Variants in AARS1 observed in about 807,000 individuals in gnomAD.
AARS1 encodes the protein alanine--tRNA ligase, cytoplasmic.
In AARS1, 72 loss-of-function variants were observed where a neutral mutation model predicts 108.9. The ratio of observed to expected loss-of-function variants is 0.66; its 90% CI spans 0.55 to 0.80. The LOEUF is 0.80. Among genes scored for constraint, AARS1 ranks in the 30% least tolerant of loss-of-function variants. The pLI is 0.00. For missense variants in AARS1, 1,193 were observed against 1,233.2 expected (o/e 0.97, Z 0.49); for synonymous variants, 489 against 465.7 (o/e 1.05, Z -0.64).
In AARS1 at chr16:70,276,587, A is replaced by C. The variant is rs1484875542; in HGVS notation, c.378T>G (p.Phe126Leu). The change falls in exon 4 of 21, where the codon TTT becomes TTG. Residue 126 changes from phenylalanine to leucine, a missense_variant. Phe to Leu is a conservative substitution (Grantham distance 22). Transcript: ENST00000261772. ...CATAAAGTCTTTCAATGGGAATGCC[A>C]AACTCTTGGGTGAGGAGTTCCAGAG... Reference protein sequence around the residue: ...KMALELLTQEFGIPIERLYVT... With the variant: ...KMALELLTQELGIPIERLYVT... 1.9e-6 allele frequency: 3 copies of C among 1,614,006 alleles called. No individual in the cohort carries two copies. Among genetic ancestry groups the C allele is most frequent in the Non-Finnish European group, 2.5e-6 (3 of 1,180,002 alleles).
chr16:70,265,398 C>T (rs140502042), intron 10 of AARS1, 140 bp downstream of exon 10: 107 of 1,330,572 alleles, frequency 8.0e-5, no homozygotes, highest in Non-Finnish European at 1.1e-4. Flanking sequence ...AAGGCAGACT[C>T]GCCCCCACTT....
intron 20 of AARS1, 101 bp downstream of exon 20, chr16:70,253,167 G>T: frequency 9.4e-7 from 1 of 1,061,988 alleles, no homozygotes; most frequent in South Asian, 1.3e-5. Context: ...GTAACCAACC[G>T]GTGGGCAGAA....
intron 2 of AARS1, among the ~76,000 whole-genome samples, chr16:70,281,659 G>C (rs1015727864): frequency 6.6e-6 from 1 of 151,932 alleles, no homozygotes; most frequent in Admixed American, 6.6e-5. Flanking sequence ...GCGAGACTCT[G>C]TCTCAAAACA....
rs761208550 is a variant in AARS1 at position 70,265,089 on chromosome 16, C to T, written c.1361G>A (p.Gly454Asp). The T allele has an allele frequency of 6.2e-7, 1 of 1,614,094 alleles. No homozygotes were observed. The highest frequency in any genetic ancestry group is 8.5e-7 in the Non-Finnish European group (1 of 1,180,026). ...ERKLAQLKSQ[G>D]KGAGGEDLIM... ...GAGGTCTTCCCCACCAGCTCCCTTG[C>T]CCTGTGATTTCAGCTGTCAGCAAGA... Residue 454 changes from glycine (G) to aspartate (D), a missense_variant, in exon 11 of 21, where the codon GGC (glycine) becomes GAC (aspartate). Gly to Asp is a moderately conservative substitution (Grantham distance 94). Transcript: ENST00000261772.
At position 70,253,416 on chromosome 16, in the gene AARS1, G is replaced by C. The variant is rs763612004; in HGVS notation, c.2608-35C>G. 3 of 1,529,202 alleles carry C rather than the reference G, an allele frequency of 2.0e-6. No individual in the cohort carries two copies. In the South Asian group the frequency reaches 3.4e-5, roughly 17 times the overall value. The allele number at this position is 1,529,202 out of a possible 1,614,324, so 94.7% of individuals were successfully genotyped here. A position where few individuals can be genotyped will look rare whatever the true frequency, so the allele number is the denominator to read the frequency against. On this transcript the variant is annotated intron_variant, in intron 19 of 20. Transcript: ENST00000261772. Reference sequence around the variant, plus strand: ...GGACCTGGCTCAGGCCACGGTGCTGGAGCAGGGACCCTCACTAGTGTGAGC... The same window carrying C: ...GGACCTGGCTCAGGCCACGGTGCTGCAGCAGGGACCCTCACTAGTGTGAGC...
At chr16:70,257,243 CAAA>C (rs56734965) in intron 15 of AARS1, among the ~76,000 whole-genome samples, 21 of 133,912 alleles carry the variant, frequency 1.6e-4, no homozygotes, top group African/African-American at 5.2e-4. Flanking sequence ...AACTCCGTCT[CAAA>C]AAAAAAAAAA....
Position 70,282,786 on chromosome 16 carries a change from T to C in AARS1, c.-21-2A>G. On this transcript the variant is annotated splice_acceptor_variant, in intron 1 of 20. Transcript: ENST00000261772. LOFTEE classifies it low-confidence loss of function (5UTR_SPLICE). ...CATCTTGAAAGTCACCCCAAAGAAC[T>C]AATCAAAGAAAAAAAAATGAAGGAA... 6.2e-7 allele frequency: 1 copy of C among 1,612,176 alleles called. No homozygotes were observed. Among genetic ancestry groups the C allele is most frequent in the Non-Finnish European group, 8.5e-7 (1 of 1,179,142 alleles).
Position 70,269,604 on chromosome 16 carries a change from T to C in AARS1, c.962+14A>G. 6.2e-7 allele frequency: 1 copy of C among 1,613,612 alleles called. No homozygotes were observed. Among genetic ancestry groups the C allele is most frequent in the Non-Finnish European group, 8.5e-7 (1 of 1,180,012 alleles). On this transcript the variant is annotated intron_variant, in intron 7 of 20. Coordinates refer to ENST00000261772, the MANE Select transcript of AARS1 (RefSeq NM_001605.3). ...GTGCCGCTCCAAACACCACCCAGTG[T>C]GCAGCATACTTACCCACGCCCTGTG...
At chr16:70,267,228 G>C (rs1464147362) in intron 9 of AARS1, among the ~76,000 whole-genome samples, 1 of 152,106 alleles carries the variant, frequency 6.6e-6, no homozygotes, top group Non-Finnish European at 1.5e-5. Flanking sequence ...AAGAATCTTT[G>C]GAAACTGGGG....
chr16:70,254,096 C>A, intron 17 of AARS1, 58 bp from the exon 18 acceptor site: 1 of 1,607,844 alleles, frequency 6.2e-7, no homozygotes, highest in Non-Finnish European at 8.5e-7. Flanking sequence ...ATGTCAGGGT[C>A]CAGCCCACCC....
chr16:70,257,954 A>G, intron 15 of AARS1, 79 bp downstream of exon 15: 1 of 1,510,292 alleles, frequency 6.6e-7, no homozygotes, highest in Non-Finnish European at 9.2e-7. Flanking sequence ...GACAGACAAG[A>G]GTTGGTCCAG....
At chr16:70,275,542 C>G (rs1282772132) in intron 4 of AARS1, among the ~76,000 whole-genome samples, 1 of 151,772 alleles carries the variant, frequency 6.6e-6, no homozygotes, top group Non-Finnish European at 1.5e-5. Context: ...GCAGGCGGAT[C>G]ACGAGGTCAG....
rs34369477 is a variant in AARS1, at chr16:70,288,098, C to CTTTTTTTT, written c.-22+1315_-22+1322dup. Among the ~76,000 whole-genome samples the CTTTTTTTT allele has an allele frequency of 2.4e-4, 20 of 83,908 alleles. 1 individual carries two copies. Among genetic ancestry groups the CTTTTTTTT allele is most frequent in the South Asian group, 4.5e-4 (1 of 2,210 alleles). 55.0% of individuals were successfully genotyped at this position (83,908 alleles called of 152,430 possible). On this transcript the variant is annotated intron_variant, in intron 1 of 20. Coordinates refer to ENST00000261772, the MANE Select transcript of AARS1 (RefSeq NM_001605.3). ...TATTTAAGACAGCCTTCCCCTTCTT[C>CTTTTTTTT]TTTTTTTTTTTTTTTTTTTTTTGAG...
chr16:70,286,701 G>A (rs1325082378), intron 1 of AARS1, among the ~76,000 whole-genome samples: 3 of 151,272 alleles, frequency 2.0e-5, no homozygotes, highest in East Asian at 2.0e-4. Context: ...AAAAATTAGC[G>A]GGGTGTGGTG....
chr16:70,280,958 G>A (rs1429569453), intron 2 of AARS1, among the ~76,000 whole-genome samples: 1 of 152,124 alleles, frequency 6.6e-6, no homozygotes, highest in East Asian at 1.9e-4. Flanking sequence ...CTCCCCAGAA[G>A]CTGGGACTAC....
chr16:70,254,797 C>A, intron 16 of AARS1, 63 bp from the exon 17 acceptor site: 1 of 1,156,616 alleles, frequency 8.6e-7, no homozygotes, highest in South Asian at 1.2e-5. Flanking sequence ...TATCCTGTGT[C>A]TGAGCAGCTG....
At chr16:70,273,439 T>G (rs1960458777) in intron 4 of AARS1, among the ~76,000 whole-genome samples, 1 of 152,152 alleles carries the variant, frequency 6.6e-6, no homozygotes, top group African/African-American at 2.4e-5. Context: ...AAAAACTGGC[T>G]AGGCACAGTG....
chr16:70,276,955 T>C lies in AARS1; in HGVS notation c.333+11A>G. ...CTCAAAACCCTAGTGGTTCTTCTGC[T>C]CTGAACTTACCTTAAAGTAATCTCC... is the stretch of plus-strand genomic sequence containing the variant. On this transcript the variant is annotated intron_variant, in intron 3 of 20. Coordinates refer to ENST00000261772, the MANE Select transcript of AARS1 (RefSeq NM_001605.3). 6.2e-7 allele frequency: 1 copy of C among 1,614,128 alleles called. No individual in the cohort carries two copies. The highest frequency in any genetic ancestry group is 8.5e-7 in the Non-Finnish European group (1 of 1,179,984).
chr16:70,258,518 C>T (rs1489057594), intron 14 of AARS1, among the ~76,000 whole-genome samples: 1 of 152,254 alleles, frequency 6.6e-6, no homozygotes, highest in Middle Eastern at 3.2e-3. Context: ...CCACCAACCA[C>T]CACCACTGCC....
Sources: allele counts gnomAD v4.1 joint callset (sites outside exome capture counted in the v4.1 genomes callset), GRCh38; gene constraint gnomAD v4.1.1; transcripts MANE v1.5; gene names NCBI Gene and HGNC (gene_info 2026-07-23, HGNC 2026-07-21).